Variants in IL1RAPL1 observed in about 807,000 individuals in gnomAD.
IL1RAPL1 encodes the protein interleukin 1 receptor accessory protein like 1, also known as interleukin-1 receptor accessory protein-like 1.
Under a neutral mutation model 48.4 loss-of-function variants are expected in IL1RAPL1, and 3 were observed. That is an observed-to-expected ratio of 0.06 (90% CI 0.03 to 0.16). IL1RAPL1 has a LOEUF of 0.16. Ranked by LOEUF, IL1RAPL1 falls within the 10% of genes least tolerant of loss-of-function variation. The pLI, the probability that IL1RAPL1 is intolerant of heterozygous loss-of-function variation, is 1.00. For missense variants in IL1RAPL1, 349 were observed against 530.6 expected, an observed-to-expected ratio of 0.66 and a Z score of 3.36; for synonymous variants, 185 against 187.7, an observed-to-expected ratio of 0.99 and a Z score of 0.12.
At chrX:29,132,099 C>G (rs2147484962) in intron 2 of IL1RAPL1, among the ~76,000 whole-genome samples, 1 of 111,777 alleles carries the variant, frequency 8.9e-6, no homozygotes, top group African/African-American at 3.2e-5. Context: ...ATACGCTTAA[C>G]TCTAGGGTGC....
intron 5 of IL1RAPL1, among the ~76,000 whole-genome samples, chrX:29,515,514 A>G (rs1935436204): frequency 8.9e-6 from 1 of 112,059 alleles, no homozygotes; most frequent in African/African-American, 3.2e-5. Context: ...ACAGTTTGTA[A>G]CCTTTTTCAC....
At chrX:28,620,980 A>C (rs1157842962) in intron 1 of IL1RAPL1, among the ~76,000 whole-genome samples, 4 of 111,414 alleles carry the variant, frequency 3.6e-5, no homozygotes, top group Non-Finnish European at 7.5e-5. Flanking sequence ...TCCTCTCTGC[A>C]TCTTCCCTGC....
chrX:29,528,300 C>T (rs897390513), intron 5 of IL1RAPL1, among the ~76,000 whole-genome samples: 4 of 112,273 alleles, frequency 3.6e-5, no homozygotes, highest in Non-Finnish European at 7.5e-5. Flanking sequence ...TACATATACA[C>T]AATAAAGTAC....
chrX:29,037,066 C>T (rs1926747197), intron 2 of IL1RAPL1, among the ~76,000 whole-genome samples: 1 of 111,857 alleles, frequency 8.9e-6, no homozygotes, highest in African/African-American at 3.2e-5. Context: ...AGGACATTCC[C>T]TTGAAGGCCC....
chrX:29,797,350 C>T lies in IL1RAPL1; in HGVS notation c.779-120114C>T, dbSNP rs933249472. ...CCAAAGTGGTTGAGGTCCTTGGTAT[C>T]TTGCTGACTTGGCAGAACTGTTCTG... On this transcript the variant is annotated intron_variant, in intron 6 of 10. Coordinates refer to ENST00000378993, the MANE Select transcript of IL1RAPL1 (RefSeq NM_014271.4). Among the ~76,000 whole-genome samples, 5 of 111,997 alleles carry T rather than the reference C, an allele frequency of 4.5e-5. No homozygotes were observed. In the Admixed American group the frequency reaches 4.7e-4, roughly 11 times the overall value.
At chrX:29,523,110 A>G (rs1935518817) in intron 5 of IL1RAPL1, among the ~76,000 whole-genome samples, 1 of 111,925 alleles carries the variant, frequency 8.9e-6, no homozygotes, top group Non-Finnish European at 1.9e-5. Flanking sequence ...GTCTTAAGAT[A>G]ATTTATGACT....
chrX:28,704,882 ATG>A (rs1432080413), intron 1 of IL1RAPL1, among the ~76,000 whole-genome samples: 7 of 107,914 alleles, frequency 6.5e-5, no homozygotes, highest in African/African-American at 1.0e-4. Context: ...AAGAGTAAGA[ATG>A]AGACAATACT....
At chrX:28,704,356 C>T (rs1462544804) in intron 1 of IL1RAPL1, among the ~76,000 whole-genome samples, 1 of 106,936 alleles carries the variant, frequency 9.4e-6, no homozygotes, top group Non-Finnish European at 1.9e-5. Context: ...CATCACGTTC[C>T]CTCAGAATAG....
chrX:29,274,097 A>G (rs1426398541), intron 2 of IL1RAPL1, among the ~76,000 whole-genome samples: 1 of 111,269 alleles, frequency 9.0e-6, no homozygotes, highest in Non-Finnish European at 1.9e-5. Flanking sequence ...AGTGTTTATG[A>G]AAATGCTATG....
At chrX:29,034,084 A>G (rs773718585) in intron 2 of IL1RAPL1, among the ~76,000 whole-genome samples, 21 of 112,411 alleles carry the variant, frequency 1.9e-4, no homozygotes, top group African/African-American at 6.4e-4. Flanking sequence ...TTTTTTGACA[A>G]AAGTGAACAC....
chrX:28,980,109 A>G (rs1008435933), intron 2 of IL1RAPL1, among the ~76,000 whole-genome samples: 1 of 112,486 alleles, frequency 8.9e-6, no homozygotes, highest in Non-Finnish European at 1.9e-5. Context: ...ATCACCAAAC[A>G]TGCAAATCAT....
intron 2 of IL1RAPL1, among the ~76,000 whole-genome samples, chrX:29,028,701 C>T (rs1214100809): frequency 9.0e-6 from 1 of 111,228 alleles, no homozygotes; most frequent in Non-Finnish European, 1.9e-5. Flanking sequence ...ACACAATATC[C>T]TCCAGTTTTA....
chrX:29,838,082 G>A (rs1431895019), intron 6 of IL1RAPL1, among the ~76,000 whole-genome samples: 2 of 111,432 alleles, frequency 1.8e-5, no homozygotes, highest in East Asian at 5.6e-4. Context: ...ATTTTCCAGG[G>A]AAGAAGCGTT....
In IL1RAPL1 at chrX:29,955,570, C is replaced by T; in HGVS notation, c.1841C>T (p.Thr614Met). The T allele has an allele frequency of 8.3e-7, 1 of 1,206,150 alleles. No individual in the cohort carries two copies. The highest frequency in any genetic ancestry group is 1.1e-6 in the Non-Finnish European group (1 of 892,029). ...GATCTCCGTTCTACCTTTCACAACA[C>T]GTACCATTCACAAATGCGTCAGAAA... is the stretch of plus-strand genomic sequence containing the variant. Reference protein sequence around the residue: ...HPDLRSTFHNTYHSQMRQKHY... With the variant: ...HPDLRSTFHNMYHSQMRQKHY... Residue 614 changes from threonine to methionine, a missense_variant, in exon 11 of 11, where the codon ACG becomes ATG. Coordinates refer to ENST00000378993, the MANE Select transcript of IL1RAPL1 (RefSeq NM_014271.4).
At chrX:28,655,320 T>C (rs1261251097) in intron 1 of IL1RAPL1, among the ~76,000 whole-genome samples, 3 of 111,062 alleles carry the variant, frequency 2.7e-5, no homozygotes, top group Non-Finnish European at 5.7e-5. Flanking sequence ...AAAAAATTGA[T>C]CTAGAATAAT....
chrX:29,336,869 A>C (rs1225540686), intron 3 of IL1RAPL1, among the ~76,000 whole-genome samples: 1 of 111,582 alleles, frequency 9.0e-6, no homozygotes, highest in Non-Finnish European at 1.9e-5. Context: ...AGAAGGTCAG[A>C]GAGTGACATT....
At chrX:29,044,183 G>T (rs1926903892) in intron 2 of IL1RAPL1, among the ~76,000 whole-genome samples, 2 of 111,134 alleles carry the variant, frequency 1.8e-5, no homozygotes, top group East Asian at 5.7e-4. Context: ...TGTAATCCTA[G>T]CACTTTGGGA....
At chrX:28,993,676 A>G (rs1001053743) in intron 2 of IL1RAPL1, among the ~76,000 whole-genome samples, 4 of 112,052 alleles carry the variant, frequency 3.6e-5, no homozygotes, top group Non-Finnish European at 7.5e-5. Context: ...GGAAATCTAA[A>G]CGGACAATTT....
chrX:29,125,614 A>T (rs1928882679), intron 2 of IL1RAPL1, among the ~76,000 whole-genome samples: 1 of 111,730 alleles, frequency 9.0e-6, no homozygotes, highest in Non-Finnish European at 1.9e-5. Context: ...CAGTAAGTCT[A>T]TTCACTAGTC....
Sources: gnomAD v4.1 joint callset for allele counts (sites outside exome capture counted in the v4.1 genomes callset) on GRCh38, gnomAD v4.1.1 for gene constraint, MANE v1.5 for transcripts, NCBI Gene and HGNC (gene_info 2026-07-23, HGNC 2026-07-21) for gene names.